The following SH2D4A variants were observed in gnomAD, a reference collection of about 807,000 sequenced individuals.
SH2D4A encodes the protein SH2 domain-containing protein 4A.
A neutral mutation model predicts 64.7 loss-of-function variants in SH2D4A; 70 were observed. The ratio of observed to expected loss-of-function variants is 1.08; its 90% CI spans 0.89 to 1.32. SH2D4A has a LOEUF of 1.32. Among genes scored for constraint, SH2D4A ranks in the 40% most tolerant of loss-of-function variants. The pLI, the probability that SH2D4A is intolerant of heterozygous loss-of-function variation, is 0.00. For synonymous variants in SH2D4A, 268 were observed against 200.7 expected (o/e 1.34, Z -2.83); for missense variants, 706 against 540.1 (o/e 1.31, Z -3.04).
chr8:19,349,626 C>A (rs1269323493), intron 4 of SH2D4A, among the ~76,000 whole-genome samples: 1 of 152,128 alleles, frequency 6.6e-6, no homozygotes, highest in Non-Finnish European at 1.5e-5. Context: ...GGCTAAGTTT[C>A]CCAATCCATA....
chr8:19,393,659 G>T (rs2053537444), intron 9 of SH2D4A, 118 bp downstream of exon 9: 3 of 914,102 alleles, frequency 3.3e-6, no homozygotes, highest in Non-Finnish European at 5.0e-6. Flanking sequence ...GGACAGGGGT[G>T]GGGGCTTGTC....
At chr8:19,367,902 A>G (rs1327825059) in intron 7 of SH2D4A, among the ~76,000 whole-genome samples, 2 of 152,126 alleles carry the variant, frequency 1.3e-5, no homozygotes, top group African/African-American at 4.8e-5. Flanking sequence ...ATAGGGAGAC[A>G]GTCATCCCTA....
chr8:19,320,421 G>A (rs535261458), intron 2 of SH2D4A, among the ~76,000 whole-genome samples: 6 of 152,050 alleles, frequency 3.9e-5, no homozygotes, highest in African/African-American at 1.4e-4. Context: ...GAGTCCAGGA[G>A]TTCTGACCAG....
rs771530645 is a variant in SH2D4A at position 19,333,000 on chromosome 8, T to G, written c.227T>G (p.Val76Gly). 3.7e-6 allele frequency: 6 copies of G among 1,613,086 alleles called. No individual in the cohort carries two copies. The highest frequency in any genetic ancestry group is 5.1e-6 in the Non-Finnish European group (6 of 1,179,736). Residue 76 changes from valine to glycine, a missense_variant, in exon 3 of 10, where the codon GTC becomes GGC. Transcript: ENST00000265807. ...VHWKLGADKE[V>G]WVWVMGEHHL... ...TGGAAACTTGGAGCTGATAAGGAAGTCTGGGTATGGGTGATGGGCGAACAC... is the reference window on the plus strand; with the variant it reads ...TGGAAACTTGGAGCTGATAAGGAAGGCTGGGTATGGGTGATGGGCGAACAC...
chr8:19,357,201 A>T lies in SH2D4A; in HGVS notation c.514-2A>T, dbSNP rs779998340. The T allele has an allele frequency of 6.2e-7, 1 of 1,610,094 alleles. No homozygotes were observed. The highest frequency in any genetic ancestry group is 1.3e-5 in the African/African-American group (1 of 74,988). On this transcript the variant is annotated splice_acceptor_variant, in intron 4 of 9. Transcript: ENST00000265807. LOFTEE classifies it high-confidence loss of function. ...CATAAATGTGTTTCGTTTAATTTTT[A>T]GTCACTCTCCAGTTCTTCAAGAAAT...
intron 7 of SH2D4A, among the ~76,000 whole-genome samples, chr8:19,370,754 G>A (rs2053081391): frequency 6.6e-6 from 1 of 152,026 alleles, no homozygotes; most frequent in South Asian, 2.1e-4. Flanking sequence ...TGATATGTAA[G>A]GGCTTACTAT....
intron 8 of SH2D4A, among the ~76,000 whole-genome samples, chr8:19,374,237 G>C (rs2053157841): frequency 6.6e-6 from 1 of 152,150 alleles, no homozygotes; most frequent in Non-Finnish European, 1.5e-5. Context: ...GCAGATATCA[G>C]CTAGTAAACA....
At chr8:19,326,680 T>C (rs2052286302) in intron 2 of SH2D4A, among the ~76,000 whole-genome samples, 1 of 151,956 alleles carries the variant, frequency 6.6e-6, no homozygotes, top group Admixed American at 6.6e-5. Context: ...GTGTGTGTAG[T>C]GTGTGTGAGA....
At chr8:19,366,720 A>G (rs1279813252) in intron 7 of SH2D4A, among the ~76,000 whole-genome samples, 1 of 151,004 alleles carries the variant, frequency 6.6e-6, no homozygotes, top group South Asian at 2.1e-4. Flanking sequence ...TGAACCCAGG[A>G]GGCGAAGGCT....
At chr8:19,335,114 T>C (rs2052425159) in intron 4 of SH2D4A, among the ~76,000 whole-genome samples, 1 of 151,518 alleles carries the variant, frequency 6.6e-6, no homozygotes, top group South Asian at 2.1e-4. Context: ...AAACCCCGTG[T>C]CTACTAAAAA....
At chr8:19,317,303 A>AT (rs761621347) in intron 1 of SH2D4A, among the ~76,000 whole-genome samples, 9,460 of 97,162 alleles carry the variant, frequency 0.097, 341 homozygotes, top group South Asian at 0.18. Context: ...CAAGACATCC[A>AT]TTTTTTTTTT....
At chr8:19,327,871 C>T (rs1198059206) in intron 2 of SH2D4A, among the ~76,000 whole-genome samples, 2 of 152,194 alleles carry the variant, frequency 1.3e-5, no homozygotes, top group African/African-American at 2.4e-5. Flanking sequence ...GCCTTTGTAG[C>T]CTGCCCCACT....
chr8:19,342,719 C>T (rs1030494017), intron 4 of SH2D4A, among the ~76,000 whole-genome samples: 17 of 152,158 alleles, frequency 1.1e-4, no homozygotes, highest in African/African-American at 2.9e-4. Flanking sequence ...AAGGTAATCA[C>T]GTCTGCACCT....
At chr8:19,394,030 T>C (rs1474668173) in intron 9 of SH2D4A, among the ~76,000 whole-genome samples, 1 of 152,120 alleles carries the variant, frequency 6.6e-6, no homozygotes, top group Non-Finnish European at 1.5e-5. Flanking sequence ...TTCCTGCAAC[T>C]AGACAGTCCC....
chr8:19,392,613 T>G (rs768077492), intron 8 of SH2D4A, among the ~76,000 whole-genome samples: 4 of 152,132 alleles, frequency 2.6e-5, no homozygotes, highest in Non-Finnish European at 5.9e-5. Flanking sequence ...GAGAGTATCT[T>G]TAAATCCCCT....
At chr8:19,325,786 A>G (rs577080088) in intron 2 of SH2D4A, among the ~76,000 whole-genome samples, 17 of 152,368 alleles carry the variant, frequency 1.1e-4, no homozygotes, top group African/African-American at 3.8e-4. Flanking sequence ...CCACTTTGAT[A>G]TTAATAACTT....
At position 19,333,065 on chromosome 8, in the gene SH2D4A, A is replaced by G. The variant is rs140531787; in HGVS notation, c.292A>G (p.Ile98Val). ...KPYDVLCNEI[I>V]AERARLKAEQ... ...CTATGATGTGCTCTGTAATGAAATT[A>G]TTGCTGAGAGGGCCCGGCTGAAAGC... The change falls in exon 3 of 10, where the codon ATT (isoleucine) becomes GTT (valine). Residue 98 changes from isoleucine to valine, a missense_variant. Physicochemically the swap from Ile to Val is conservative, Grantham distance 29. Transcript: ENST00000265807. 5 of 1,613,912 alleles carry G rather than the reference A, an allele frequency of 3.1e-6. No individual in the cohort carries two copies. In the African/African-American group the frequency reaches 6.7e-5, roughly 22 times the overall value.
At chr8:19,350,781 C>T (rs1349325359) in intron 4 of SH2D4A, among the ~76,000 whole-genome samples, 2 of 152,144 alleles carry the variant, frequency 1.3e-5, no homozygotes, top group East Asian at 1.9e-4. Flanking sequence ...CCGCAGCAGC[C>T]GACAATGTTT....
At chr8:19,346,288 G>A (rs905501055) in intron 4 of SH2D4A, among the ~76,000 whole-genome samples, 2 of 152,180 alleles carry the variant, frequency 1.3e-5, no homozygotes. Context: ...GAGGTGAGCA[G>A]CAGGCAAGCA....
Sources: allele counts gnomAD v4.1 joint callset (sites outside exome capture counted in the v4.1 genomes callset), GRCh38; gene constraint gnomAD v4.1.1; transcripts MANE v1.5; gene names NCBI Gene and HGNC (gene_info 2026-07-23, HGNC 2026-07-21).